The following RBM34 variants were observed in gnomAD, a reference collection of about 807,000 sequenced individuals.
The protein encoded by RBM34 is RNA binding motif protein 34, also known as RNA-binding protein 34.
In RBM34, 39 loss-of-function variants were observed where a neutral mutation model predicts 44.6. That is an observed-to-expected ratio of 0.87 (90% CI 0.68 to 1.14). The LOEUF is 1.14. RBM34 is among the 50% of genes most tolerant of loss of function. The pLI is 0.00. For synonymous variants in RBM34, 194 were observed against 184.0 expected (o/e 1.05, Z -0.44); for missense variants, 572 against 517.9 (o/e 1.10, Z -1.01).
intron 5 of RBM34, among the ~76,000 whole-genome samples, chr1:235,150,156 C>A (rs916881416): frequency 6.6e-6 from 1 of 152,234 alleles, no homozygotes; most frequent in African/African-American, 2.4e-5. Flanking sequence ...CTCACTGCAA[C>A]TTCCGCCTCT....
chr1:235,144,755 A>T (rs1420241411), intron 6 of RBM34, among the ~76,000 whole-genome samples: 1 of 152,084 alleles, frequency 6.6e-6, no homozygotes, highest in Non-Finnish European at 1.5e-5. Flanking sequence ...CTTAAAAATA[A>T]AATAAGGCCC....
At chr1:235,133,068 G>A (rs544645985) in intron 10 of RBM34, among the ~76,000 whole-genome samples, 1 of 152,248 alleles carries the variant, frequency 6.6e-6, no homozygotes, top group Admixed American at 6.5e-5. Flanking sequence ...CAGGCCAGGC[G>A]GGGTAGCTCA....
At chr1:235,159,831 T>A (rs1215186103) in intron 3 of RBM34, among the ~76,000 whole-genome samples, 1 of 146,878 alleles carries the variant, frequency 6.8e-6, no homozygotes, top group Non-Finnish European at 1.5e-5. Flanking sequence ...ATCAGGCCAC[T>A]GCACTCCAGT....
rs375958274 is a variant in RBM34 at position 235,148,363 on chromosome 1, G to T, written c.701+41C>A. ...GTCTCACTTTTTAGCCAAAAAGGAA[G>T]AAAGTTTAAGGTGACTCCCTTTCTC... On this transcript the variant is annotated intron_variant, in intron 6 of 10. Coordinates refer to ENST00000408888, the MANE Select transcript of RBM34 (RefSeq NM_015014.4). 5.6e-4 allele frequency: 834 copies of T among 1,481,658 alleles called. 7 individuals carry two copies. In the Middle Eastern group the frequency reaches 7.3e-3, roughly 13 times the overall value. The allele number at this position is 1,481,658 out of a possible 1,614,324, so 91.8% of individuals were successfully genotyped here.
In RBM34 at chr1:235,131,804, A is replaced by G; in HGVS notation, c.1202T>C (p.Leu401Ser). The G allele has an allele frequency of 6.2e-7, 1 of 1,614,082 alleles. No homozygotes were observed. Among genetic ancestry groups the G allele is most frequent in the African/African-American group, 1.3e-5 (1 of 75,046 alleles). Residue 401 changes from leucine to serine, a missense_variant, in exon 11 of 11, where the codon TTA (leucine) becomes TCA (serine). Transcript: ENST00000408888. ...SKTAEGHPKS[L>S]FIGEKAVLLK... ...GAGAACAGCTTTTTCTCCAATAAAT[A>G]AGCTTTTAGGATGTCCTTCTGCAGT... is the stretch of plus-strand genomic sequence containing the variant.
chr1:235,141,553 T>G (rs906265255), intron 6 of RBM34, among the ~76,000 whole-genome samples: 3 of 152,122 alleles, frequency 2.0e-5, no homozygotes, highest in Non-Finnish European at 4.4e-5. Context: ...CAGGCTGCCC[T>G]AGCCAGCAGT....
At chr1:235,137,502 G>A (rs570510417) in intron 8 of RBM34, among the ~76,000 whole-genome samples, 1 of 151,924 alleles carries the variant, frequency 6.6e-6, no homozygotes, top group Non-Finnish European at 1.5e-5. Flanking sequence ...AGCCTTCTGA[G>A]TAGCTGGGAC....
chr1:235,151,297 T>A (rs1256087506), intron 5 of RBM34, among the ~76,000 whole-genome samples: 1 of 151,596 alleles, frequency 6.6e-6, no homozygotes, highest in Admixed American at 6.6e-5. Context: ...CAGCATAGGG[T>A]TGGGGTGAGA....
rs935545933 is a variant in RBM34, at chr1:235,132,312, T to C, written c.1009-315A>G. ...AGTCATATGCAATATTGGCTTTTTT[T>C]CTTTTTTCTTTTTTTGAGACGGAAT... On this transcript the variant is annotated intron_variant, in intron 10 of 10. Transcript: ENST00000408888. 2.0e-5 allele frequency among the ~76,000 whole-genome samples: 3 copies of C among 152,226 alleles called. No homozygotes were observed. In the East Asian group the frequency reaches 5.8e-4, roughly 29 times the overall value.
intron 6 of RBM34, among the ~76,000 whole-genome samples, chr1:235,142,128 C>T (rs1219120049): frequency 6.6e-6 from 1 of 152,104 alleles, no homozygotes; most frequent in Non-Finnish European, 1.5e-5. Flanking sequence ...ATAATCCCCA[C>T]TAAAGGTACA....
intron 8 of RBM34, among the ~76,000 whole-genome samples, chr1:235,137,077 G>A (rs1661460690): frequency 1.3e-5 from 2 of 151,958 alleles, no homozygotes; most frequent in African/African-American, 4.8e-5. Context: ...AACTTGCCTT[G>A]TCCCTTCTTC....
chr1:235,147,790 T>C (rs762025715), intron 6 of RBM34, among the ~76,000 whole-genome samples: 1 of 152,156 alleles, frequency 6.6e-6, no homozygotes, highest in Non-Finnish European at 1.5e-5. Flanking sequence ...ATAAACTTCA[T>C]CATTTCATAT....
At chr1:235,150,104 T>C (rs1026931539) in intron 5 of RBM34, among the ~76,000 whole-genome samples, 2 of 152,242 alleles carry the variant, frequency 1.3e-5, no homozygotes, top group African/African-American at 4.8e-5. Context: ...AGACAGAATC[T>C]CGCTTTGTCG....
At chr1:235,154,752 T>C (rs777516718) in intron 4 of RBM34, 129 bp downstream of exon 4, 12 of 766,426 alleles carry the variant, frequency 1.6e-5, no homozygotes, top group Non-Finnish European at 2.4e-5. Flanking sequence ...CTGGAATCCA[T>C]TCATATTAGG....
intron 6 of RBM34, among the ~76,000 whole-genome samples, chr1:235,145,969 T>G (rs1228225856): frequency 7.6e-6 from 1 of 130,954 alleles, no homozygotes; most frequent in South Asian, 2.4e-4. Context: ...ACAGCAGGTT[T>G]TTTTTTTTTT....
At chr1:235,161,110 G>A (rs1186356328) in intron 1 of RBM34, 43 bp from the exon 2 acceptor site, 2 of 1,606,060 alleles carry the variant, frequency 1.2e-6, no homozygotes. Context: ...ACGCACCACC[G>A]CTTCGCCAGC....
intron 3 of RBM34, 22 bp downstream of exon 3, chr1:235,160,489 C>G (rs1662660392): frequency 6.2e-7 from 1 of 1,600,304 alleles, no homozygotes; most frequent in African/African-American, 1.3e-5. Flanking sequence ...TCTTTAACAT[C>G]AAATAAGAGA....
intron 3 of RBM34, chr1:235,160,272 A>C (rs1454316167): frequency 1.5e-6 from 1 of 650,110 alleles, no homozygotes; most frequent in Non-Finnish European, 2.8e-6. Flanking sequence ...AAAACAAATA[A>C]TGAGGGGGTA....
intron 3 of RBM34, among the ~76,000 whole-genome samples, chr1:235,159,188 G>A (rs542404663): frequency 1.1e-3 from 171 of 149,798 alleles, no homozygotes; most frequent in Non-Finnish European, 1.9e-3. Context: ...ACTCCAACCT[G>A]GGTGACAGAG....
Sources: allele counts gnomAD v4.1 joint callset (sites outside exome capture counted in the v4.1 genomes callset), GRCh38; gene constraint gnomAD v4.1.1; transcripts MANE v1.5; gene names NCBI Gene and HGNC (gene_info 2026-07-23, HGNC 2026-07-21).